NBPF9: variants seen among roughly 807,000 people sequenced by gnomAD.
NBPF9 encodes the protein NBPF member 9, also known as NBPF family member NBPF9.
NBPF9 carries 91 observed loss-of-function variants against 97.8 expected under a neutral mutation model. The observed-to-expected ratio is 0.93, with a 90% CI of 0.79 to 1.11. NBPF9 has a LOEUF of 1.11. Among genes scored for constraint, NBPF9 ranks in the 50% least tolerant of loss-of-function variants. NBPF9 has a pLI of 0.00. For synonymous variants in NBPF9, 334 were observed against 359.5 expected, an observed-to-expected ratio of 0.93 and a Z score of 0.80; for missense variants, 992 against 939.5, an observed-to-expected ratio of 1.06 and a Z score of -0.73.
Position 149,073,574 on chromosome 1 carries a change from G to A in NBPF9, c.1091+194C>T, listed in dbSNP as rs1181049355. Among the ~76,000 whole-genome samples, 4 of 148,944 alleles carry A rather than the reference G, an allele frequency of 2.7e-5. No individual in the cohort carries two copies. In the East Asian group the frequency reaches 6.1e-4, roughly 23 times the overall value. On this transcript the variant is annotated intron_variant, in intron 13 of 29. Transcript: ENST00000584027. ...TTTGAAAAAGAGAAAACAAGGCTCT[G>A]AGAAACAACTGCAACCCATACATTT... is the stretch of plus-strand genomic sequence containing the variant.
At chr1:149,098,561 T>C in exon 4 of NBPF9, 2 of 1,460,332 alleles carry the variant, frequency 1.4e-6, no homozygotes, top group Non-Finnish European at 1.8e-6. Context: ...CAGTGGGAAT[T>C]GGTGGCACCC....
intron 5 of NBPF9, among the ~76,000 whole-genome samples, chr1:149,087,282 A>ATG (rs1292960055): frequency 1.3e-5 from 2 of 151,014 alleles, no homozygotes; most frequent in African/African-American, 4.9e-5. Context: ...ATATATATAT[A>ATG]TTCCCTATTT....
intron 21 of NBPF9, 97 bp downstream of exon 21, chr1:149,062,765 G>C (rs587769029): frequency 1.3e-6 from 1 of 774,202 alleles, no homozygotes; most frequent in African/African-American, 1.7e-5. Flanking sequence ...TTCAACCTCC[G>C]TTGAAAACAT....
intron 19 of NBPF9, 124 bp downstream of exon 19, chr1:149,064,307 G>A (rs4649660): frequency 5.2e-6 from 4 of 765,940 alleles, no homozygotes; most frequent in Admixed American, 2.1e-5. Flanking sequence ...AAGCAATGTA[G>A]TAGGCATAAT....
At chr1:149,071,871 G>A (rs1365559648) in intron 14 of NBPF9, among the ~76,000 whole-genome samples, 195 bp from the exon 15 acceptor site, 1 of 151,546 alleles carries the variant, frequency 6.6e-6, no homozygotes, top group African/African-American at 2.4e-5. Flanking sequence ...GATCTGGAGG[G>A]CCACCATCAA....
rs1170443794 is a variant in NBPF9, at chr1:149,088,756, C to T, written c.-195+1997G>A. 1.5e-4 allele frequency among the ~76,000 whole-genome samples: 23 copies of T among 152,110 alleles called. No homozygotes were observed. The East Asian group carries it at 1.7e-3, about 12-fold the overall frequency. On this transcript the variant is annotated intron_variant, in intron 5 of 29. Transcript: ENST00000584027. ...AAAAGAGGCCGGGCATGGTGGCTCA[C>T]GCCTGTAATCCCAGCACTTTGGGAG...
chr1:149,071,422 C>A (rs1274856448), intron 15 of NBPF9, among the ~76,000 whole-genome samples, 182 bp downstream of exon 15: 1 of 148,348 alleles, frequency 6.7e-6, no homozygotes, highest in Non-Finnish European at 1.5e-5. Flanking sequence ...AGACATGACA[C>A]TCGGCACACA....
chr1:149,082,952 CTTTTCTT>C (rs1441184024), intron 5 of NBPF9, among the ~76,000 whole-genome samples: 10,774 of 59,720 alleles, frequency 0.18, 356 homozygotes, highest in African/African-American at 0.26. Flanking sequence ...GCTAATTTTT[CTTTTCTT>C]TTTTTTTTTT....
At chr1:149,080,328 A>G (rs1457590236) in intron 7 of NBPF9, among the ~76,000 whole-genome samples, 173 bp from the exon 8 acceptor site, 3 of 150,768 alleles carry the variant, frequency 2.0e-5, no homozygotes, top group Admixed American at 6.6e-5. Flanking sequence ...CTGGCATCTG[A>G]TCCTCCAAAA....
At chr1:149,060,304 C>G (rs2078515117) in intron 24 of NBPF9, 1 of 389,774 alleles carries the variant, frequency 2.6e-6, no homozygotes. Context: ...CAGGGCGCCA[C>G]AGGTATGGCC....
chr1:149,084,341 TAA>T (rs1491509682), intron 5 of NBPF9, among the ~76,000 whole-genome samples: 3 of 147,360 alleles, frequency 2.0e-5, no homozygotes, highest in East Asian at 2.0e-4. Context: ...TGAATATATA[TAA>T]TATATATACG....
At chr1:149,076,085 C>G (rs1358190685) in intron 11 of NBPF9, among the ~76,000 whole-genome samples, 2 of 152,108 alleles carry the variant, frequency 1.3e-5, no homozygotes, top group African/African-American at 2.4e-5. Flanking sequence ...CTACACTTTT[C>G]TTGCTTATAC....
chr1:149,074,158 T>C (rs1399508836), intron 12 of NBPF9, among the ~76,000 whole-genome samples: 2 of 151,504 alleles, frequency 1.3e-5, no homozygotes, highest in Admixed American at 6.6e-5. Flanking sequence ...GAGGTCTGAC[T>C]CTGAATGCGG....
chr1:149,100,009 T>C lies in NBPF9; in HGVS notation c.-606+1253A>G, dbSNP rs1236134417. 5.5e-4 allele frequency among the ~76,000 whole-genome samples: 81 copies of C among 147,024 alleles called. 1 individual carries two copies. Among genetic ancestry groups the C allele is most frequent in the Middle Eastern group, 3.5e-3 (1 of 286 alleles). On this transcript the variant is annotated intron_variant, in intron 3 of 29. Transcript: ENST00000584027. The stretch of plus-strand genomic sequence containing the variant: ...GAAAAAAAAAAAAAATGGTTCGATG[T>C]AGTCCTAAAACTATTATGTAGAATA...
chr1:149,072,515 G>C (rs1203359297), intron 14 of NBPF9, among the ~76,000 whole-genome samples: 1 of 152,162 alleles, frequency 6.6e-6, no homozygotes, highest in Non-Finnish European at 1.5e-5. Context: ...CATCAAGGGA[G>C]GAGGGACACT....
chr1:149,077,479 G>C, intron 10 of NBPF9, 60 bp from the exon 11 acceptor site: 6 of 1,593,814 alleles, frequency 3.8e-6, no homozygotes, highest in Non-Finnish European at 5.1e-6. Context: ...TTGGACCCCA[G>C]GGAGTACTAG....
intron 5 of NBPF9, among the ~76,000 whole-genome samples, chr1:149,088,115 G>A (rs1270924826): frequency 4.6e-5 from 7 of 152,250 alleles, no homozygotes; most frequent in Non-Finnish European, 1.0e-4. Context: ...ACAGGTGTGA[G>A]CCACGGTGCC....
intron 5 of NBPF9, among the ~76,000 whole-genome samples, chr1:149,085,123 T>C (rs1326216266): frequency 1.3e-5 from 2 of 152,028 alleles, no homozygotes; most frequent in Admixed American, 6.5e-5. Context: ...ACACACCTTA[T>C]TGCTGCCAAA....
At chr1:149,081,649 T>C (rs1204981916) in intron 7 of NBPF9, among the ~76,000 whole-genome samples, 1 of 149,190 alleles carries the variant, frequency 6.7e-6, no homozygotes, top group Non-Finnish European at 1.5e-5. Context: ...TGCAGGATCT[T>C]ATAAGGTACA....
Sources: gnomAD v4.1 joint callset for allele counts (sites outside exome capture counted in the v4.1 genomes callset) on GRCh38, gnomAD v4.1.1 for gene constraint, MANE v1.5 for transcripts, NCBI Gene and HGNC (gene_info 2026-07-23, HGNC 2026-07-21) for gene names.